PAX5: variants seen among roughly 807,000 people sequenced by gnomAD.
The protein encoded by PAX5 is paired box 5.
A neutral mutation model predicts 43.7 loss-of-function variants in PAX5; 9 were observed. The observed-to-expected ratio is 0.21, with a 90% confidence interval of 0.12 to 0.36. PAX5 has a LOEUF of 0.36. Ranked by LOEUF, PAX5 falls within the 10% of genes least tolerant of loss-of-function variation. The pLI, the probability that PAX5 is intolerant of heterozygous loss-of-function variation, is 1.00. For missense variants in PAX5, 383 were observed against 532.7 expected (o/e 0.72, Z 2.77); for synonymous variants, 228 against 214.3 (o/e 1.06, Z -0.56).
intron 6 of PAX5, among the ~76,000 whole-genome samples, chr9:36,924,796 G>A (rs1441282942): frequency 2.2e-5 from 1 of 45,542 alleles, no homozygotes; most frequent in African/African-American, 1.2e-4. Flanking sequence ...AGAAAGGGAG[G>A]GAGGGAGGGA....
intron 6 of PAX5, among the ~76,000 whole-genome samples, chr9:36,927,878 T>C (rs1376228285): frequency 1.3e-5 from 2 of 152,120 alleles, no homozygotes; most frequent in Non-Finnish European, 2.9e-5. Context: ...CCAGTTAATT[T>C]TTTGTATTTT....
chr9:36,914,198 G>A (rs974104997), intron 7 of PAX5, among the ~76,000 whole-genome samples: 2 of 152,178 alleles, frequency 1.3e-5, no homozygotes, highest in South Asian at 2.1e-4. Flanking sequence ...TGAGAAATCC[G>A]TTTACAAGTA....
At chr9:36,973,063 AGGAAAGGAAC>A (rs1835060677) in intron 5 of PAX5, among the ~76,000 whole-genome samples, 16 of 90,380 alleles carry the variant, frequency 1.8e-4, no homozygotes, top group African/African-American at 6.5e-4. Context: ...AGAAAAGGAA[AGGAAAGGAAC>A]GGAACGGAAC....
At chr9:36,966,231 G>A (rs1296268212) in intron 6 of PAX5, among the ~76,000 whole-genome samples, 3 of 152,120 alleles carry the variant, frequency 2.0e-5, no homozygotes, top group Non-Finnish European at 4.4e-5. Context: ...ACCACCTTAC[G>A]TGGCCCGAAA....
chr9:36,892,990 G>A (rs1393022625), intron 7 of PAX5, among the ~76,000 whole-genome samples: 1 of 152,088 alleles, frequency 6.6e-6, no homozygotes, highest in Non-Finnish European at 1.5e-5. Context: ...TTGGGGAGAG[G>A]GATTACAGAT....
At chr9:36,893,789 C>T (rs999635116) in intron 7 of PAX5, among the ~76,000 whole-genome samples, 3 of 152,202 alleles carry the variant, frequency 2.0e-5, no homozygotes, top group Non-Finnish European at 2.9e-5. Context: ...CGTGCAGAGC[C>T]TTCGCTACTG....
At chr9:36,996,779 G>A (rs1310547104) in intron 5 of PAX5, among the ~76,000 whole-genome samples, 2 of 152,210 alleles carry the variant, frequency 1.3e-5, no homozygotes, top group African/African-American at 4.8e-5. Flanking sequence ...GCAGGGCTGA[G>A]GGGGCGTCCA....
intron 7 of PAX5, among the ~76,000 whole-genome samples, chr9:36,910,377 G>A (rs1053458618): frequency 6.6e-6 from 1 of 152,094 alleles, no homozygotes; most frequent in East Asian, 1.9e-4. Context: ...CATCCCCTAT[G>A]AGGATATAAA....
At chr9:36,853,199 T>C (rs1823333297) in intron 8 of PAX5, among the ~76,000 whole-genome samples, 1 of 151,588 alleles carries the variant, frequency 6.6e-6, no homozygotes, top group African/African-American at 2.4e-5. Flanking sequence ...ATGCATACAA[T>C]TAACTGAAGT....
At position 36,878,985 on chromosome 9, in the gene PAX5, GC is replaced by G. The variant is rs1313223215; in HGVS notation, c.1012+3018del. ...ACGGAGGAAGAGGAGACAGAGAGAT[GC>G]AGAAGGAAAGAATGGAGGGAGAGAG... On this transcript the variant is annotated intron_variant, in intron 8 of 9. Transcript: ENST00000358127. Among the ~76,000 whole-genome samples the G allele has an allele frequency of 6.6e-5, 10 of 152,346 alleles. No homozygotes were observed. The East Asian group carries it at 1.9e-3, about 29-fold the overall frequency.
chr9:37,023,523 G>A (rs1231404946), intron 1 of PAX5, among the ~76,000 whole-genome samples: 1 of 152,168 alleles, frequency 6.6e-6, no homozygotes, highest in East Asian at 1.9e-4. Context: ...ACAGGACAGG[G>A]CAGACTGGGC....
chr9:37,025,468 C>T (rs1840251802), intron 1 of PAX5, among the ~76,000 whole-genome samples: 1 of 152,314 alleles, frequency 6.6e-6, no homozygotes, highest in Middle Eastern at 3.4e-3. Context: ...CGGCTCCTAG[C>T]CCGGGAGCAA....
At chr9:36,964,133 T>G (rs1482454541) in intron 6 of PAX5, among the ~76,000 whole-genome samples, 2 of 151,406 alleles carry the variant, frequency 1.3e-5, no homozygotes, top group Non-Finnish European at 2.9e-5. Context: ...TAGAAAAAAT[T>G]AGCCGGGCAT....
rs1821597164 is a variant in PAX5 at position 36,835,758 on chromosome 9, C to T, written c.*4802G>A. 3 of 233,316 alleles carry T rather than the reference C, an allele frequency of 1.3e-5. No homozygotes were observed. The East Asian group carries it at 1.8e-4, about 14-fold the overall frequency. The allele number at this position is 233,316 out of a possible 1,614,324, so 14.5% of individuals were successfully genotyped here. A position where few individuals can be genotyped will look rare whatever the true frequency, so the allele number is the denominator to read the frequency against. The stretch of plus-strand genomic sequence containing the variant: ...GCTGGGAACCATCAGAGCAGCCTCT[C>T]GATGGGTGACAAGGCCAAGACTGCA... On this transcript the variant is annotated 3_prime_UTR_variant, in exon 10 of 10. Coordinates refer to ENST00000358127, the MANE Select transcript of PAX5 (RefSeq NM_016734.3).
At chr9:36,888,529 A>G (rs906684772) in intron 7 of PAX5, among the ~76,000 whole-genome samples, 1 of 152,250 alleles carries the variant, frequency 6.6e-6, no homozygotes, top group Non-Finnish European at 1.5e-5. Flanking sequence ...ACAAAAGACT[A>G]TGTATTGTGT....
At chr9:36,985,032 G>A (rs1341140048) in intron 5 of PAX5, among the ~76,000 whole-genome samples, 35 of 152,366 alleles carry the variant, frequency 2.3e-4, no homozygotes, top group South Asian at 4.1e-4. Flanking sequence ...CTGAGGCTCA[G>A]AGAGGGGAAG....
intron 3 of PAX5, among the ~76,000 whole-genome samples, chr9:37,013,557 G>A (rs146540992): frequency 1.3e-5 from 2 of 152,174 alleles, no homozygotes; most frequent in Non-Finnish European, 2.9e-5. Flanking sequence ...CAGAAGTAAG[G>A]GGCTCATAAA....
chr9:36,955,454 C>T (rs1833364648), intron 6 of PAX5, among the ~76,000 whole-genome samples: 1 of 151,914 alleles, frequency 6.6e-6, no homozygotes, highest in Non-Finnish European at 1.5e-5. Flanking sequence ...GTCTGAGTCC[C>T]ATGTAGAATC....
chr9:36,995,771 G>T (rs1229406728), intron 5 of PAX5, among the ~76,000 whole-genome samples: 1 of 152,066 alleles, frequency 6.6e-6, no homozygotes, highest in East Asian at 1.9e-4. Flanking sequence ...TCCCATGGGG[G>T]AGTCTCGAGG....
Sources: gnomAD v4.1 joint callset for allele counts (sites outside exome capture counted in the v4.1 genomes callset) on GRCh38, gnomAD v4.1.1 for gene constraint, MANE v1.5 for transcripts, NCBI Gene and HGNC (gene_info 2026-07-23, HGNC 2026-07-21) for gene names.